Variants in EFHC2 observed in about 807,000 individuals in gnomAD.
EFHC2 encodes the protein EF-hand domain containing 2.
In EFHC2, 18 loss-of-function variants were observed where a neutral mutation model predicts 52.7. The observed-to-expected ratio is 0.34, with a 90% CI of 0.24 to 0.51. The LOEUF (loss-of-function observed/expected upper bound fraction) is 0.51, where lower values mean the gene tolerates loss of function less well. Ranked by LOEUF, EFHC2 falls within the 20% of genes least tolerant of loss-of-function variation. The pLI, the probability that EFHC2 is intolerant of heterozygous loss-of-function variation, is 0.97. For synonymous variants in EFHC2, 203 were observed against 204.1 expected, an observed-to-expected ratio of 0.99 and a Z score of 0.04; for missense variants, 513 against 562.5, an observed-to-expected ratio of 0.91 and a Z score of 0.89.
At chrX:44,157,034 T>A (rs780441437) in intron 14 of EFHC2, among the ~76,000 whole-genome samples, 3 of 112,260 alleles carry the variant, frequency 2.7e-5, no homozygotes, top group African/African-American at 9.7e-5. Context: ...CTACAGGCCA[T>A]TGGCTACAGG....
intron 13 of EFHC2, among the ~76,000 whole-genome samples, chrX:44,173,290 T>G (rs2036759429): frequency 9.0e-6 from 1 of 111,457 alleles, no homozygotes. Flanking sequence ...ATCAACAAGC[T>G]CCATGCCTGC....
intron 2 of EFHC2, 61 bp downstream of exon 2, chrX:44,312,501 CAAAACT>C: frequency 4.2e-6 from 4 of 954,845 alleles, no homozygotes; most frequent in Non-Finnish European, 4.2e-6. Context: ...CCTACTTTCT[CAAAACT>C]AAATTATTTA....
intron 11 of EFHC2, among the ~76,000 whole-genome samples, chrX:44,218,202 T>C (rs2037166289): frequency 9.0e-6 from 1 of 111,564 alleles, no homozygotes; most frequent in Admixed American, 9.5e-5. Context: ...AACTAAGATA[T>C]TATTTTAGTG....
chrX:44,272,565 A>G (rs77977311), intron 3 of EFHC2, 121 bp downstream of exon 3: 10 of 691,399 alleles, frequency 1.4e-5, no homozygotes, highest in Non-Finnish European at 1.7e-5. Flanking sequence ...TATATTCACC[A>G]CTGCCAGCAG....
At chrX:44,212,839 G>A (rs1242621645) in intron 11 of EFHC2, among the ~76,000 whole-genome samples, 1 of 110,452 alleles carries the variant, frequency 9.1e-6, no homozygotes, top group Non-Finnish European at 1.9e-5. Context: ...AGCCTCCGGA[G>A]TAGCTGGGAT....
intron 1 of EFHC2, 112 bp downstream of exon 1, chrX:44,343,435 G>A: frequency 2.0e-6 from 2 of 991,418 alleles, no homozygotes; most frequent in Non-Finnish European, 2.8e-6. Flanking sequence ...CACCAACCCA[G>A]GGCAGCAGCA....
At chrX:44,214,736 G>A (rs1253196541) in intron 11 of EFHC2, among the ~76,000 whole-genome samples, 4 of 112,448 alleles carry the variant, frequency 3.6e-5, no homozygotes, top group Non-Finnish European at 7.5e-5. Context: ...TTATTCTTAA[G>A]TGATCTATCA....
At chrX:44,209,832 A>G (rs5952559) in intron 11 of EFHC2, among the ~76,000 whole-genome samples, 49,583 of 107,319 alleles carry the variant, frequency 0.46, 8,730 homozygotes, top group African/African-American at 0.56. Context: ...ATGAGCAGCA[A>G]CATTAGATTA....
intron 3 of EFHC2, among the ~76,000 whole-genome samples, chrX:44,271,835 A>G (rs2037619770): frequency 8.9e-6 from 1 of 111,933 alleles, no homozygotes; most frequent in Admixed American, 9.5e-5. Flanking sequence ...CATAAAGAGA[A>G]TAAGGTCACC....
chrX:44,178,129 TCACACACA>T (rs201977577), intron 12 of EFHC2, among the ~76,000 whole-genome samples: 136 of 83,949 alleles, frequency 1.6e-3, no homozygotes, highest in African/African-American at 6.1e-3. Flanking sequence ...AGATGCCATA[TCACACACA>T]CACACACACA....
chrX:44,213,160 G>C, intron 11 of EFHC2, among the ~76,000 whole-genome samples: 1 of 108,924 alleles, frequency 9.2e-6, no homozygotes, highest in Non-Finnish European at 1.9e-5. Context: ...GGAATTATCA[G>C]ACCAGGAATT....
At chrX:44,328,568 G>A (rs886210721) in intron 1 of EFHC2, among the ~76,000 whole-genome samples, 21 of 111,983 alleles carry the variant, frequency 1.9e-4, no homozygotes, top group African/African-American at 6.5e-4. Flanking sequence ...TACTCCCTTT[G>A]CAATCTCCCC....
intron 3 of EFHC2, among the ~76,000 whole-genome samples, chrX:44,270,769 C>T (rs1356469519): frequency 2.7e-5 from 3 of 110,807 alleles, no homozygotes; most frequent in African/African-American, 9.9e-5. Context: ...ACAAACAAAA[C>T]CCAAGACTAT....
intron 3 of EFHC2, among the ~76,000 whole-genome samples, chrX:44,267,746 G>A (rs746520468): frequency 1.8e-5 from 2 of 111,368 alleles, no homozygotes; most frequent in East Asian, 2.8e-4. Flanking sequence ...AAGCAAGCCC[G>A]GGCCACTCAA....
intron 11 of EFHC2, among the ~76,000 whole-genome samples, chrX:44,194,717 G>A (rs190166973): frequency 8.9e-6 from 1 of 111,798 alleles, no homozygotes; most frequent in African/African-American, 3.2e-5. Flanking sequence ...TGGGGGAGCT[G>A]GTTGTCAGTT....
chrX:44,341,804 GTA>G (rs1248524844), intron 1 of EFHC2, among the ~76,000 whole-genome samples: 14 of 112,430 alleles, frequency 1.2e-4, no homozygotes, highest in African/African-American at 3.9e-4. Flanking sequence ...GCATCTTTCT[GTA>G]TATGTGTTGT....
intron 11 of EFHC2, among the ~76,000 whole-genome samples, chrX:44,216,610 G>A (rs748369855): frequency 1.3e-4 from 15 of 111,512 alleles, no homozygotes; most frequent in African/African-American, 4.9e-4. Flanking sequence ...ATCATACACT[G>A]GGGAAAAGAT....
chrX:44,221,434 G>T (rs5905780), intron 11 of EFHC2, among the ~76,000 whole-genome samples: 2,055 of 111,600 alleles, frequency 0.018, 22 homozygotes, highest in Middle Eastern at 0.057. Flanking sequence ...ATACTTATAC[G>T]AAAGTTCATA....
intron 1 of EFHC2, among the ~76,000 whole-genome samples, chrX:44,325,204 A>ATAAG: frequency 9.0e-6 from 1 of 111,574 alleles, no homozygotes; most frequent in African/African-American, 3.3e-5. Context: ...CTTATTTAAA[A>ATAAG]TGTTTGCCCC....
Sources: allele counts gnomAD v4.1 joint callset (sites outside exome capture counted in the v4.1 genomes callset), GRCh38; gene constraint gnomAD v4.1.1; transcripts MANE v1.5; gene names NCBI Gene and HGNC (gene_info 2026-07-23, HGNC 2026-07-21).